Variants in KALRN observed in about 807,000 individuals in gnomAD.
The protein encoded by KALRN is kalirin RhoGEF kinase.
A neutral mutation model predicts 353.7 loss-of-function variants in KALRN; 70 were observed. The ratio of observed to expected loss-of-function variants is 0.20; its 90% confidence interval spans 0.16 to 0.24. The LOEUF (loss-of-function observed/expected upper bound fraction) is 0.24. KALRN is among the 10% of genes least tolerant of loss of function. The pLI, the probability that KALRN is intolerant of heterozygous loss-of-function variation, is 1.00. For synonymous variants in KALRN, 1,391 were observed against 1,434.8 expected, an observed-to-expected ratio of 0.97 and a Z score of 0.69; for missense variants, 2,791 against 3,756.7, an observed-to-expected ratio of 0.74 and a Z score of 6.72.
chr3:124,253,360 G>A (rs2071444059), intron 3 of KALRN, among the ~76,000 whole-genome samples: 2 of 152,208 alleles, frequency 1.3e-5, no homozygotes, highest in African/African-American at 4.8e-5. Context: ...GTAGACATGG[G>A]TGCAGCACAG....
intron 14 of KALRN, among the ~76,000 whole-genome samples, chr3:124,420,193 G>A (rs903488144): frequency 3.9e-5 from 6 of 152,186 alleles, no homozygotes; most frequent in Non-Finnish European, 8.8e-5. Context: ...GAAAATGCAG[G>A]GACTGAGTCT....
chr3:124,422,693 G>A (rs182690760), intron 14 of KALRN, 119 bp from the exon 15 acceptor site: 100 of 774,938 alleles, frequency 1.3e-4, no homozygotes, highest in African/African-American at 1.2e-3. Flanking sequence ...AATATTTAGG[G>A]TTTGGGAGGG....
intron 27 of KALRN, among the ~76,000 whole-genome samples, chr3:124,481,423 T>C (rs1195405697): frequency 6.6e-6 from 1 of 152,118 alleles, no homozygotes; most frequent in Admixed American, 6.5e-5. Flanking sequence ...CCCCGGCTGG[T>C]CTTGAACTAC....
chr3:124,650,878 C>G lies in KALRN; in HGVS notation c.5735C>G (p.Pro1912Arg), dbSNP rs762634197. The G allele has an allele frequency of 6.2e-7, 1 of 1,614,148 alleles. No individual in the cohort carries two copies. Among genetic ancestry groups the G allele is most frequent in the Non-Finnish European group, 8.5e-7 (1 of 1,179,990 alleles). Residue 1912 changes from proline to arginine, a missense_variant, in exon 38 of 60, where the codon CCA becomes CGA. Pro to Arg is a moderately radical substitution (Grantham distance 103). This residue lies in a region of KALRN where 1,065 missense variants were observed against 1,156.4 expected (regional missense o/e 0.92). Coordinates refer to ENST00000682506, the MANE Select transcript of KALRN (RefSeq NM_001388419.1). ...GGCTGCCTGAATGAGGGGATGGCCC[C>G]ACCCACACCTCCTAAAAACCCAGAA... ...PAGCLNEGMA[P>R]PTPPKNPEEE...
intron 1 of KALRN, among the ~76,000 whole-genome samples, chr3:124,220,629 T>C (rs1183426496): frequency 6.6e-6 from 1 of 151,612 alleles, no homozygotes; most frequent in Non-Finnish European, 1.5e-5. Flanking sequence ...CTCCACCCAT[T>C]TTCTACACAG....
chr3:124,121,994 G>T (rs911271065), intron 1 of KALRN, among the ~76,000 whole-genome samples: 3 of 152,156 alleles, frequency 2.0e-5, no homozygotes, highest in African/African-American at 7.2e-5. Flanking sequence ...GCTCTCTGTT[G>T]GGCAATCAGA....
intron 33 of KALRN, among the ~76,000 whole-genome samples, chr3:124,534,333 T>C (rs1422499758): frequency 2.0e-5 from 3 of 151,876 alleles, no homozygotes; most frequent in Non-Finnish European, 4.4e-5. Context: ...TGAGAACACA[T>C]GGGCACAGGA....
At chr3:124,455,800 T>G (rs2059254562) in intron 22 of KALRN, among the ~76,000 whole-genome samples, 1 of 152,230 alleles carries the variant, frequency 6.6e-6, no homozygotes, top group Non-Finnish European at 1.5e-5. Flanking sequence ...ATTTGACATT[T>G]CAACCGAACA....
chr3:124,082,244 C>G (rs1031786894), intron 1 of KALRN: 1 of 470,794 alleles, frequency 2.1e-6, no homozygotes, highest in East Asian at 6.9e-5. Context: ...TGTGTTTCCT[C>G]ATTTTTAGGG....
At chr3:124,101,105 G>A (rs2061827864) in intron 1 of KALRN, among the ~76,000 whole-genome samples, 1 of 152,220 alleles carries the variant, frequency 6.6e-6, no homozygotes, top group South Asian at 2.1e-4. Flanking sequence ...TACACCTCAT[G>A]CAACTGTCTT....
At chr3:124,339,227 G>C (rs1226202554) in intron 9 of KALRN, among the ~76,000 whole-genome samples, 1 of 152,126 alleles carries the variant, frequency 6.6e-6, no homozygotes, top group East Asian at 1.9e-4. Flanking sequence ...CTGCTGGGAG[G>C]GGACGGGTGC....
intron 1 of KALRN, among the ~76,000 whole-genome samples, chr3:124,209,285 G>T (rs561534837): frequency 6.6e-6 from 1 of 151,778 alleles, no homozygotes; most frequent in Non-Finnish European, 1.5e-5. Flanking sequence ...TGGGCAGATT[G>T]TCTGAGCTCA....
rs75390565 is a variant in KALRN, at chr3:124,113,626, A to G, written c.73+79813A>G. On this transcript the variant is annotated intron_variant, in intron 1 of 59. Transcript: ENST00000682506. ...ATATGTTTCCTGCAGGAGTGAAGCCATTGGTAGTTTCTTTTAAGGCCCCGC... is the reference window on the plus strand; with the variant it reads ...ATATGTTTCCTGCAGGAGTGAAGCCGTTGGTAGTTTCTTTTAAGGCCCCGC... Among the ~76,000 whole-genome samples the G allele has an allele frequency of 5.5e-3, 843 of 152,236 alleles. 11 individuals are homozygous for G. The highest frequency in any genetic ancestry group is 0.019 in the African/African-American group (803 of 41,550).
intron 57 of KALRN, among the ~76,000 whole-genome samples, chr3:124,702,933 G>C (rs1291205317): frequency 6.6e-6 from 1 of 151,974 alleles, no homozygotes; most frequent in Non-Finnish European, 1.5e-5. Context: ...ATAGTCTATG[G>C]GAAAGAAACA....
intron 51 of KALRN, among the ~76,000 whole-genome samples, chr3:124,689,281 CTTGGCTTG>C (rs1341412010): frequency 6.6e-6 from 1 of 152,172 alleles, no homozygotes; most frequent in African/African-American, 2.4e-5. Context: ...GTGGCACTTT[CTTGGCTTG>C]CCACAGCCTC....
In KALRN at chr3:124,667,187, G is replaced by T. The variant is rs768528698; in HGVS notation, c.6703+4G>T. ...ACACAGCGAGACTTTTTGAATGGTG[G>T]GTGCTGGGCTTGGTTCCTTGCAGGG... On this transcript the variant is annotated splice_donor_region_variant and intron_variant, in intron 47 of 59. Transcript: ENST00000682506. 5.0e-6 allele frequency: 8 copies of T among 1,612,660 alleles called. No individual in the cohort carries two copies. In the South Asian group the frequency reaches 8.8e-5, roughly 18 times the overall value.
intron 1 of KALRN, among the ~76,000 whole-genome samples, chr3:124,134,887 C>T (rs1040236300): frequency 2.0e-5 from 3 of 152,084 alleles, no homozygotes; most frequent in Non-Finnish European, 4.4e-5. Context: ...TAGACATTGG[C>T]GTGGATGCGG....
chr3:124,512,735 G>C (rs1161985355), intron 33 of KALRN, among the ~76,000 whole-genome samples: 2 of 152,044 alleles, frequency 1.3e-5, no homozygotes, highest in East Asian at 3.8e-4. Context: ...GTTTGTATGT[G>C]TGTTTATGCA....
intron 14 of KALRN, among the ~76,000 whole-genome samples, chr3:124,418,184 TG>T (rs1291654253): frequency 6.6e-6 from 1 of 151,988 alleles, no homozygotes; most frequent in Non-Finnish European, 1.5e-5. Context: ...AAAGCTACTC[TG>T]GGGTGAATAG....
Sources: gnomAD v4.1 joint callset for allele counts (sites outside exome capture counted in the v4.1 genomes callset) on GRCh38, gnomAD v4.1.1 for gene constraint, gnomAD v4.1.1 regional missense constraint, MANE v1.5 for transcripts, NCBI Gene and HGNC (gene_info 2026-07-23, HGNC 2026-07-21) for gene names.